Variants in SENP7 observed in about 807,000 individuals in gnomAD.
SENP7 encodes SUMO specific peptidase 7, also known as sentrin-specific protease 7.
In SENP7, 64 loss-of-function variants were observed where a neutral mutation model predicts 141.2. The observed-to-expected ratio is 0.45, with a 90% CI of 0.37 to 0.56. SENP7 has a LOEUF of 0.56. Ranked by LOEUF, SENP7 falls within the 20% of genes least tolerant of loss-of-function variation. The pLI, the probability that SENP7 is intolerant of heterozygous loss-of-function variation, is 0.00. For missense variants in SENP7, 1,025 were observed against 1,212.2 expected, an observed-to-expected ratio of 0.85 and a Z score of 2.29; for synonymous variants, 382 against 426.4, an observed-to-expected ratio of 0.90 and a Z score of 1.28.
intron 3 of SENP7, among the ~76,000 whole-genome samples, chr3:101,464,685 GTAA>G (rs1258961082): frequency 6.6e-6 from 1 of 152,026 alleles, no homozygotes; most frequent in Non-Finnish European, 1.5e-5. Flanking sequence ...ATACTACAAT[GTAA>G]TAATAACAGA....
At chr3:101,464,535 T>G (rs1175424128) in intron 3 of SENP7, among the ~76,000 whole-genome samples, 1 of 152,076 alleles carries the variant, frequency 6.6e-6, no homozygotes, top group Non-Finnish European at 1.5e-5. Context: ...ACTGGTTGCA[T>G]GCTCCTTATG....
At chr3:101,428,696 A>AT (rs2107703287) in intron 4 of SENP7, among the ~76,000 whole-genome samples, 1 of 151,818 alleles carries the variant, frequency 6.6e-6, no homozygotes, top group South Asian at 2.1e-4. Context: ...AAGCTCTTTA[A>AT]TTAGATCCCA....
In SENP7 at chr3:101,493,890, A is replaced by G. The variant is rs1458169718; in HGVS notation, c.169T>C (p.Trp57Arg). ...PLSKFRSSERWTLPLQWERSL... is the reference protein window; with the variant it reads ...PLSKFRSSERRTLPLQWERSL... ...TTTACCACCTGCAAAGGGAGAGTCC[A>G]GCGTTCTGAGCTTCTGAATTTGGAC... Residue 57 changes from tryptophan to arginine, a missense_variant, in exon 3 of 24, where the codon TGG (tryptophan) becomes CGG (arginine). By Grantham distance (101) the Trp-to-Arg change is moderately radical. Coordinates refer to ENST00000394095, the MANE Select transcript of SENP7 (RefSeq NM_020654.5). 1.2e-6 allele frequency: 2 copies of G among 1,601,648 alleles called. No homozygotes were observed. The highest frequency in any genetic ancestry group is 1.7e-6 in the Non-Finnish European group (2 of 1,170,660).
Position 101,415,648 on chromosome 3 carries a change from C to T in SENP7, c.482+1945G>A, listed in dbSNP as rs1427780475. Among the ~76,000 whole-genome samples the T allele has an allele frequency of 2.6e-5, 4 of 151,430 alleles. No individual in the cohort carries two copies. The East Asian group carries it at 5.8e-4, about 22-fold the overall frequency. ...CACAACTAAGACAAACCCCTGGCAG[C>T]AGGAAATTCAAGGAAGAAAAAGTAA... On this transcript the variant is annotated intron_variant, in intron 5 of 23. Coordinates refer to ENST00000394095, the MANE Select transcript of SENP7 (RefSeq NM_020654.5).
intron 3 of SENP7, among the ~76,000 whole-genome samples, chr3:101,463,380 T>TATATATATATATATACACAC (rs1553744720): frequency 7.8e-4 from 56 of 72,122 alleles, no homozygotes; most frequent in South Asian, 2.3e-3. Context: ...TATATATATA[T>TATATATATATATATACACAC]ATATATATAT....
chr3:101,374,771 C>T (rs1444838148), intron 6 of SENP7, among the ~76,000 whole-genome samples: 2 of 106,726 alleles, frequency 1.9e-5, no homozygotes, highest in Non-Finnish European at 3.9e-5. Flanking sequence ...GGCTCTGTCT[C>T]AAAAAAAAAA....
At chr3:101,410,719 C>G (rs2061431377) in intron 5 of SENP7, among the ~76,000 whole-genome samples, 1 of 152,052 alleles carries the variant, frequency 6.6e-6, no homozygotes, top group African/African-American at 2.4e-5. Flanking sequence ...GTGGCACACA[C>G]CTGCGATCCC....
rs558066357 is a variant in SENP7, at chr3:101,438,568, T to C, written c.284+20387A>G. ...ATTAAAAATGATTAAGATGATAAAA[T>C]TTATGTTAAGTGTATTTTACTACAA... is the stretch of plus-strand genomic sequence containing the variant. On this transcript the variant is annotated intron_variant, in intron 4 of 23. Coordinates refer to ENST00000394095, the MANE Select transcript of SENP7 (RefSeq NM_020654.5). Among the ~76,000 whole-genome samples the C allele has an allele frequency of 2.2e-4, 34 of 152,298 alleles. No individual in the cohort carries two copies. The East Asian group carries it at 5.2e-3, about 23-fold the overall frequency.
chr3:101,482,590 A>T (rs948997879), intron 3 of SENP7, among the ~76,000 whole-genome samples: 4 of 152,220 alleles, frequency 2.6e-5, no homozygotes, highest in Admixed American at 6.5e-5. Context: ...GAAGCAAACG[A>T]CTAGGCATAA....
intron 10 of SENP7, 114 bp downstream of exon 10, chr3:101,364,720 A>T (rs2059990615): frequency 1.4e-6 from 1 of 739,638 alleles, no homozygotes; most frequent in Non-Finnish European, 2.1e-6. Flanking sequence ...GAAAATTCAA[A>T]CTAAGAAAAT....
intron 10 of SENP7, among the ~76,000 whole-genome samples, chr3:101,363,850 A>G (rs1242433860): frequency 1.3e-5 from 2 of 152,208 alleles, no homozygotes; most frequent in South Asian, 4.1e-4. Flanking sequence ...ACAAAACAAG[A>G]TAAGTTTACC....
chr3:101,411,442 A>G (rs544265738), intron 5 of SENP7, among the ~76,000 whole-genome samples: 1 of 152,346 alleles, frequency 6.6e-6, no homozygotes, highest in African/African-American at 2.4e-5. Context: ...ATAGCTCTTC[A>G]TAGCACACAG....
At position 101,504,766 on chromosome 3, in the gene SENP7, C is replaced by T. The variant is rs184452187; in HGVS notation, c.41-3647G>A. Reference sequence around the variant, plus strand: ...CAGATTAGAAGCTCACACCTATAATCCCAACACTTTGGGAGGCCAAGGCAG... The same window carrying T: ...CAGATTAGAAGCTCACACCTATAATTCCAACACTTTGGGAGGCCAAGGCAG... On this transcript the variant is annotated intron_variant, in intron 1 of 23. Transcript: ENST00000394095. Among the ~76,000 whole-genome samples, 152 of 152,332 alleles carry T rather than the reference C, an allele frequency of 1.0e-3. 1 individual carries two copies. The highest frequency in any genetic ancestry group is 3.3e-3 in the African/African-American group (137 of 41,572).
chr3:101,511,568 G>A (rs943668840), intron 1 of SENP7, among the ~76,000 whole-genome samples: 5 of 152,150 alleles, frequency 3.3e-5, no homozygotes, highest in African/African-American at 1.2e-4. Context: ...CTACATGTAT[G>A]TATAAATATA....
intron 1 of SENP7, among the ~76,000 whole-genome samples, chr3:101,505,023 C>A (rs2065542345): frequency 6.6e-6 from 1 of 151,920 alleles, no homozygotes; most frequent in African/African-American, 2.4e-5. Context: ...CGTTTTTGCA[C>A]CACTGCACTC....
Position 101,501,119 on chromosome 3 carries a change from T to C in SENP7, c.41A>G (p.Glu14Gly), listed in dbSNP as rs1431161817. ...TTTCCTTTTTCCTTCTGTGATGATT[T>C]CTACAAAAACCAAAGACGTGGTAAA... ...RKLGRRPSSS[E>G]IITEGKRKKS... Residue 14 changes from glutamate (E) to glycine (G), a missense_variant and splice_region_variant, in exon 2 of 24, where the codon GAA becomes GGA. Transcript: ENST00000394095. The C allele has an allele frequency of 6.2e-7, 1 of 1,604,814 alleles. No individual in the cohort carries two copies. The highest frequency in any genetic ancestry group is 8.5e-7 in the Non-Finnish European group (1 of 1,174,276).
intron 3 of SENP7, among the ~76,000 whole-genome samples, chr3:101,489,812 T>C (rs897656415): frequency 6.6e-6 from 1 of 152,186 alleles, no homozygotes; most frequent in African/African-American, 2.4e-5. Context: ...CTGGACCTAA[T>C]AGACATCTAC....
chr3:101,437,469 C>T (rs1180455729), intron 4 of SENP7, among the ~76,000 whole-genome samples: 1 of 152,166 alleles, frequency 6.6e-6, no homozygotes, highest in Non-Finnish European at 1.5e-5. Flanking sequence ...TATATCAAAA[C>T]ATCTCATGTA....
At chr3:101,341,898 AC>A in intron 14 of SENP7, 119 bp from the exon 15 acceptor site, 2 of 1,017,404 alleles carry the variant, frequency 2.0e-6, no homozygotes, top group Non-Finnish European at 2.7e-6. Flanking sequence ...TTATATCTAT[AC>A]TTTTAGATTT....
Sources: allele counts gnomAD v4.1 joint callset (sites outside exome capture counted in the v4.1 genomes callset), GRCh38; gene constraint gnomAD v4.1.1; transcripts MANE v1.5; gene names NCBI Gene and HGNC (gene_info 2026-07-23, HGNC 2026-07-21).